The following MED16 variants were observed in gnomAD, a reference collection of about 807,000 sequenced individuals.
MED16 encodes the protein mediator complex subunit 16.
A neutral mutation model predicts 84.4 loss-of-function variants in MED16; 81 were observed. The ratio of observed to expected loss-of-function variants is 0.96; its 90% confidence interval spans 0.80 to 1.15. The LOEUF is 1.15. Among genes scored for constraint, MED16 ranks in the 50% most tolerant of loss-of-function variants. The pLI is 0.00. For synonymous variants in MED16, 897 were observed against 552.2 expected (o/e 1.62, Z -8.76); for missense variants, 1,585 against 1,245.9 (o/e 1.27, Z -4.10).
At chr19:871,286 C>A in intron 12 of MED16, 33 bp from the exon 13 acceptor site, 1 of 1,515,354 alleles carries the variant, frequency 6.6e-7, no homozygotes, top group Non-Finnish European at 8.9e-7. Flanking sequence ...TCTCAGCACC[C>A]CTGACTGGGG....
At chr19:873,252 CTCCAACCAGGGGCGGGGCTGAGGT>C (rs2036138240) in intron 11 of MED16, among the ~76,000 whole-genome samples, 173 bp downstream of exon 11, 3 of 140,826 alleles carry the variant, frequency 2.1e-5, no homozygotes, top group East Asian at 2.2e-4. Flanking sequence ...AGGGGTGGGA[CTCCAACCAGGGGCGGGGCTGAGGT>C]GGGACTCCAA....
intron 2 of MED16, 152 bp from the exon 3 acceptor site, chr19:890,396 G>T: frequency 1.7e-6 from 1 of 571,744 alleles, no homozygotes; most frequent in Non-Finnish European, 3.1e-6. Flanking sequence ...CAGGGAACAG[G>T]CTGTCCCCCC....
At position 871,689 on chromosome 19, in the gene MED16, G is replaced by A. The variant is rs375235758; in HGVS notation, c.2098+237C>T. 2.9e-4 allele frequency: 422 copies of A among 1,475,098 alleles called. 4 individuals are homozygous for A. In the African/African-American group the frequency reaches 4.7e-3, roughly 16 times the overall value. The allele number at this position is 1,475,098 out of a possible 1,614,324, so 91.4% of individuals were successfully genotyped here. A position where few individuals can be genotyped will look rare whatever the true frequency, so the allele number is the denominator to read the frequency against. ...TGGGGAAATAGCAGATATCAAGGCA[G>A]AGCCACTGCCACCTGCAGGGGCTTA... On this transcript the variant is annotated intron_variant, in intron 12 of 15. Coordinates refer to ENST00000325464, the MANE Select transcript of MED16 (RefSeq NM_005481.3).
intron 6 of MED16, among the ~76,000 whole-genome samples, chr19:884,200 C>T (rs960459804): frequency 1.3e-5 from 2 of 152,198 alleles, no homozygotes; most frequent in Admixed American, 6.5e-5. Context: ...TTCTCCAGAG[C>T]GGAGGCCAGC....
At chr19:891,879 G>A (rs1248826141) in intron 1 of MED16, among the ~76,000 whole-genome samples, 1 of 135,702 alleles carries the variant, frequency 7.4e-6, no homozygotes, top group African/African-American at 2.8e-5. Flanking sequence ...TGGCCGAGGC[G>A]GGGGCTGAGT....
rs1378362264 is a variant in MED16 at position 885,787 on chromosome 19, G to A, written c.862C>T (p.Arg288Trp). The A allele has an allele frequency of 5.6e-6, 9 of 1,609,986 alleles. No homozygotes were observed. The highest frequency in any genetic ancestry group is 1.3e-5 in the African/African-American group (1 of 74,912). The stretch of plus-strand genomic sequence containing the variant: ...CCGTTCACCTGCTCCGACATGTCCC[G>A]GGCCAGGAACTTGAGGTGGGTGATG... Reference protein sequence around the residue: ...PAITHLKFLARDMSEQVLLCA... With the variant: ...PAITHLKFLAWDMSEQVLLCA... Residue 288 changes from arginine to tryptophan, a missense_variant, in exon 5 of 16, where the codon CGG becomes TGG. Arg to Trp is a moderately radical substitution (Grantham distance 101). Coordinates refer to ENST00000325464, the MANE Select transcript of MED16 (RefSeq NM_005481.3).
intron 7 of MED16, among the ~76,000 whole-genome samples, chr19:881,048 C>A (rs1471011088): frequency 6.6e-6 from 1 of 152,082 alleles, no homozygotes; most frequent in Non-Finnish European, 1.5e-5. Flanking sequence ...GAGCCCCGAG[C>A]GGGTTTTGAT....
chr19:889,877 G>A, intron 3 of MED16, 70 bp from the exon 4 acceptor site: 1 of 1,501,978 alleles, frequency 6.7e-7, no homozygotes, highest in Non-Finnish European at 8.9e-7. Flanking sequence ...GGACGGCACA[G>A]CGCCTGGGGG....
At chr19:871,364 CTCTG>C (rs2036049718) in intron 12 of MED16, 111 bp from the exon 13 acceptor site, 26 of 1,344,094 alleles carry the variant, frequency 1.9e-5, no homozygotes, top group Middle Eastern at 2.4e-4. Context: ...AGGGCCCCAG[CTCTG>C]TCTGCCTGGC....
intron 4 of MED16, among the ~76,000 whole-genome samples, chr19:888,604 C>T (rs562247378): frequency 6.6e-6 from 1 of 152,060 alleles, no homozygotes; most frequent in African/African-American, 2.4e-5. Flanking sequence ...TATACGAAAC[C>T]TCTGGACCGT....
chr19:890,545 C>T (rs964740708), intron 2 of MED16: 11 of 374,960 alleles, frequency 2.9e-5, no homozygotes, highest in African/African-American at 1.0e-4. Flanking sequence ...GATTTGATTC[C>T]AATTTTCTGT....
rs560956808 is a variant in MED16 at position 871,668 on chromosome 19, G to T, written c.2098+258C>A. On this transcript the variant is annotated intron_variant, in intron 12 of 15. Transcript: ENST00000325464. ...GCATGGACCTGTGCTAGGAACTGGGGAAATAGCAGATATCAAGGCAGAGCC... is the reference window on the plus strand; with the variant it reads ...GCATGGACCTGTGCTAGGAACTGGGTAAATAGCAGATATCAAGGCAGAGCC... 3.9e-5 allele frequency: 62 copies of T among 1,576,934 alleles called. 1 individual carries two copies. The highest frequency in any genetic ancestry group is 2.5e-4 in the Admixed American group (15 of 59,082).
chr19:877,238 G>A (rs961447501), intron 8 of MED16, 58 bp from the exon 9 acceptor site: 18 of 1,526,842 alleles, frequency 1.2e-5, no homozygotes, highest in African/African-American at 5.5e-5. Context: ...CCTCAGCCGG[G>A]AGAGGAATGG....
In MED16 at chr19:891,086, C is replaced by T. The variant is rs1309765259; in HGVS notation, c.46G>A (p.Ala16Thr). The stretch of plus-strand genomic sequence containing the variant: ...CATTTCTCCCACTCACAGACGTAGG[C>T]CAAGTCCATCATCCCACCTGCCGCT... ...RPAAGGMMDL[A>T]YVCEWEKWSK... The change falls in exon 2 of 16, where the codon GCC becomes ACC. Residue 16 changes from alanine (A) to threonine (T), a missense_variant. Transcript: ENST00000325464. 4 of 1,613,922 alleles carry T rather than the reference C, an allele frequency of 2.5e-6. No homozygotes were observed. The highest frequency in any genetic ancestry group is 3.3e-5 in the Admixed American group (2 of 59,992).
At position 890,995 on chromosome 19, in the gene MED16, G is replaced by A. The variant is rs2036620558; in HGVS notation, c.137C>T (p.Ala46Val). 1 of 1,613,894 alleles carries A rather than the reference G, an allele frequency of 6.2e-7. No individual in the cohort carries two copies. The highest frequency in any genetic ancestry group is 1.7e-5 in the Admixed American group (1 of 59,980). ...ATCGCTGCGCAGGTCCATGGTGAAG[G>A]CGATGAGATTTCGGCAGGACCAGGC... The part of the protein sequence containing the change: ...ACAWSCRNLI[A>V]FTMDLRSDDQ... The change falls in exon 2 of 16, where the codon GCC (alanine) becomes GTC (valine). Residue 46 changes from alanine to valine, a missense_variant. Ala to Val is a moderately conservative substitution (Grantham distance 64). Transcript: ENST00000325464.
chr19:885,126 C>G, intron 5 of MED16, 118 bp from the exon 6 acceptor site: 1 of 722,852 alleles, frequency 1.4e-6, no homozygotes, highest in Non-Finnish European at 2.3e-6. Flanking sequence ...TCTTCAGCCA[C>G]GCCTGCCCCT....
At chr19:886,456 G>A (rs146736796) in intron 4 of MED16, among the ~76,000 whole-genome samples, 3 of 152,240 alleles carry the variant, frequency 2.0e-5, no homozygotes, top group African/African-American at 4.8e-5. Flanking sequence ...GAACGTGTGC[G>A]CAACGGGAGT....
At position 871,176 on chromosome 19, in the gene MED16, T is replaced by C; in HGVS notation, c.2176A>G (p.Ile726Val). The change falls in exon 13 of 16, where the codon ATC becomes GTC. Residue 726 changes from isoleucine (I) to valine (V), a missense_variant. Transcript: ENST00000325464. ...ECCLLPSQLLIPSLDWLPASD... is the reference protein window; with the variant it reads ...ECCLLPSQLLVPSLDWLPASD... Reference sequence around the variant, plus strand: ...GCTGGCAGCCAGTCCAGGCTGGGGATAAGCAGCTGGCTGGGCAGCAGGCAG... The same window carrying C: ...GCTGGCAGCCAGTCCAGGCTGGGGACAAGCAGCTGGCTGGGCAGCAGGCAG... 6.5e-7 allele frequency: 1 copy of C among 1,549,474 alleles called. No individual in the cohort carries two copies. Among genetic ancestry groups the C allele is most frequent in the South Asian group, 1.2e-5 (1 of 84,112 alleles).
intron 11 of MED16, 112 bp from the exon 12 acceptor site, chr19:872,230 G>A (rs1203550105): frequency 2.3e-6 from 2 of 862,510 alleles, no homozygotes; most frequent in Non-Finnish European, 3.5e-6. Flanking sequence ...CAGGGTCTGG[G>A]ACATTTGTGG....
Sources: gnomAD v4.1 joint callset for allele counts (sites outside exome capture counted in the v4.1 genomes callset) on GRCh38, gnomAD v4.1.1 for gene constraint, MANE v1.5 for transcripts, NCBI Gene and HGNC (gene_info 2026-07-23, HGNC 2026-07-21) for gene names.